The following MIS18BP1 variants were observed in gnomAD, a reference collection of about 807,000 sequenced individuals.
MIS18BP1 encodes the protein mis18-binding protein 1.
In MIS18BP1, 72 loss-of-function variants were observed where a neutral mutation model predicts 116.1. The observed-to-expected ratio is 0.62, with a 90% CI of 0.51 to 0.75. The LOEUF (loss-of-function observed/expected upper bound fraction) is 0.75, where lower values mean the gene tolerates loss of function less well. Among genes scored for constraint, MIS18BP1 ranks in the 30% least tolerant of loss-of-function variants. The pLI is 0.00. For missense variants in MIS18BP1, 1,363 were observed against 1,303.2 expected (o/e 1.05, Z -0.71); for synonymous variants, 386 against 427.0 (o/e 0.90, Z 1.18).
intron 16 of MIS18BP1, 71 bp from the exon 17 acceptor site, chr14:45,204,283 T>A: frequency 6.5e-7 from 1 of 1,538,980 alleles, no homozygotes; most frequent in Non-Finnish European, 8.8e-7. Flanking sequence ...AAAACAACTA[T>A]AAGGAATAAA....
intron 4 of MIS18BP1, 68 bp downstream of exon 4, chr14:45,241,966 T>G: frequency 1.4e-6 from 2 of 1,478,934 alleles, no homozygotes; most frequent in Admixed American, 2.2e-5. Flanking sequence ...GAGAGAACAT[T>G]AAAAGCTCAA....
At chr14:45,226,404 T>G (rs1891123768) in intron 10 of MIS18BP1, among the ~76,000 whole-genome samples, 1 of 152,120 alleles carries the variant, frequency 6.6e-6, no homozygotes, top group Middle Eastern at 3.2e-3. Flanking sequence ...ACTCTGAAAA[T>G]CCACACTTAA....
chr14:45,249,973 A>T (rs1891824582), intron 1 of MIS18BP1: 1 of 152,232 alleles, frequency 6.6e-6, no homozygotes. Flanking sequence ...GCCTAATGAA[A>T]TGCTAAACAG....
chr14:45,226,765 C>G lies in MIS18BP1; in HGVS notation c.1818G>C (p.Arg606Ser). The change falls in exon 10 of 17, where the codon AGG becomes AGC. Residue 606 changes from arginine (R) to serine (S), a missense_variant. Transcript: ENST00000310806. ...KLKIGERTNE[R>S]IIKSQKQETT... ...TACCTTGCTTCTGACTTTTTATTAT[C>G]CTTTCATTTGTTCTTTCACCAATTT... 1 of 1,401,446 alleles carries G rather than the reference C, an allele frequency of 7.1e-7. No individual in the cohort carries two copies. The highest frequency in any genetic ancestry group is 9.5e-7 in the Non-Finnish European group (1 of 1,054,574). The allele number at this position is 1,401,446 out of a possible 1,614,324, so 86.8% of individuals were successfully genotyped here.
Position 45,242,039 on chromosome 14 carries a change from T to C in MIS18BP1, c.1138A>G (p.Asn380Asp). The change falls in exon 4 of 17, where the codon AAT becomes GAT. Residue 380 changes from asparagine to aspartate, a missense_variant. Asn to Asp is a conservative substitution (Grantham distance 23). Transcript: ENST00000310806. ...TGTCTTAAAAGTTTTCCCACCTGAT[T>C]TTTTTTAAGTCCATTTGTAACAGTT... ...FQTVTNGLKK[N>D]QVVQLQEWMI... 6.3e-7 allele frequency: 1 copy of C among 1,594,668 alleles called. No individual in the cohort carries two copies. Among genetic ancestry groups the C allele is most frequent in the Non-Finnish European group, 8.5e-7 (1 of 1,171,810 alleles).
intron 11 of MIS18BP1, among the ~76,000 whole-genome samples, chr14:45,223,112 C>A (rs73350255): frequency 1.3e-5 from 2 of 151,828 alleles, no homozygotes; most frequent in South Asian, 2.1e-4. Context: ...CAAACCAAAC[C>A]AAACACTGGG....
At chr14:45,249,256 T>C (rs1273910537) in intron 1 of MIS18BP1, among the ~76,000 whole-genome samples, 2 of 152,086 alleles carry the variant, frequency 1.3e-5, no homozygotes, top group African/African-American at 2.4e-5. Flanking sequence ...CCCACCCGGC[T>C]AATTTTTGTA....
At chr14:45,215,390 G>A (rs1194573731) in intron 13 of MIS18BP1, among the ~76,000 whole-genome samples, 1 of 152,056 alleles carries the variant, frequency 6.6e-6, no homozygotes, top group East Asian at 1.9e-4. Context: ...TAGTCCAATT[G>A]TCTGTTATCC....
chr14:45,205,791 G>A (rs2049390511), intron 15 of MIS18BP1, among the ~76,000 whole-genome samples: 3 of 152,008 alleles, frequency 2.0e-5, no homozygotes, highest in Admixed American at 6.6e-5. Context: ...GTGTTTTTGT[G>A]TTTTGCCTGA....
intron 11 of MIS18BP1, among the ~76,000 whole-genome samples, chr14:45,221,656 G>C (rs1026975046): frequency 6.6e-6 from 1 of 152,034 alleles, no homozygotes; most frequent in Non-Finnish European, 1.5e-5. Context: ...TCTGTTAAGA[G>C]GTTTTATGAT....
chr14:45,221,027 T>C (rs560212435), intron 11 of MIS18BP1, among the ~76,000 whole-genome samples: 13 of 151,734 alleles, frequency 8.6e-5, no homozygotes, highest in Admixed American at 7.2e-4. Flanking sequence ...CCCAGCTACT[T>C]GGGAGGCTGA....
At chr14:45,218,217 C>T (rs1174388467) in intron 12 of MIS18BP1, 65 bp downstream of exon 12, 27 of 1,437,574 alleles carry the variant, frequency 1.9e-5, no homozygotes, top group African/African-American at 2.9e-5. Flanking sequence ...TAAAATATAT[C>T]TGATTTCAGT....
intron 6 of MIS18BP1, among the ~76,000 whole-genome samples, chr14:45,233,073 G>A (rs138417705): frequency 6.6e-6 from 1 of 152,300 alleles, no homozygotes; most frequent in African/African-American, 2.4e-5. Flanking sequence ...GCTATGCAGG[G>A]ACGGTGGACA....
intron 11 of MIS18BP1, among the ~76,000 whole-genome samples, chr14:45,222,187 T>G (rs1337767221): frequency 6.6e-6 from 1 of 152,264 alleles, no homozygotes; most frequent in African/African-American, 2.4e-5. Context: ...AAATTCATTC[T>G]GACAATATGT....
At chr14:45,241,207 C>T (rs1235578866) in intron 4 of MIS18BP1, among the ~76,000 whole-genome samples, 1 of 152,216 alleles carries the variant, frequency 6.6e-6, no homozygotes, top group Non-Finnish European at 1.5e-5. Flanking sequence ...CAGTGGCTCA[C>T]GCCTCTAATC....
rs771452249 is a variant in MIS18BP1 at position 45,224,202 on chromosome 14, G to C, written c.2385C>G (p.Asn795Lys). 6.2e-7 allele frequency: 1 copy of C among 1,613,974 alleles called. No individual in the cohort carries two copies. The highest frequency in any genetic ancestry group is 1.7e-4 in the Middle Eastern group (1 of 6,058). Reference sequence around the variant, plus strand: ...TCAGGTGAACCACTGCTTCTTTGGTGTTTCCTGCTTTGGTTTTCTTAACTT... The same window carrying C: ...TCAGGTGAACCACTGCTTCTTTGGTCTTTCCTGCTTTGGTTTTCTTAACTT... ...KAEVKKTKAGNTKEAVVHLRK... is the reference protein window; with the variant it reads ...KAEVKKTKAGKTKEAVVHLRK... Residue 795 changes from asparagine to lysine, a missense_variant, in exon 11 of 17, where the codon AAC becomes AAG. Coordinates refer to ENST00000310806, the MANE Select transcript of MIS18BP1 (RefSeq NM_018353.5).
At position 45,228,791 on chromosome 14, in the gene MIS18BP1, CAG is replaced by C. The variant is rs565465870; in HGVS notation, c.1595-979_1595-978del. 1.0e-3 allele frequency among the ~76,000 whole-genome samples: 157 copies of C among 152,198 alleles called. 1 individual carries two copies. In the South Asian group the frequency reaches 0.017, roughly 16 times the overall value. The stretch of plus-strand genomic sequence containing the variant: ...TCATATACTCTGGTAAGTGTAATAA[CAG>C]AGATAAAGTGCTTTAAGAGCAATAC... On this transcript the variant is annotated intron_variant, in intron 8 of 16. Transcript: ENST00000310806.
chr14:45,239,852 C>T lies in MIS18BP1; in HGVS notation c.1144-2131G>A, dbSNP rs1414558289. Among the ~76,000 whole-genome samples the T allele has an allele frequency of 5.9e-5, 9 of 152,228 alleles. No individual in the cohort carries two copies. The East Asian group carries it at 1.5e-3, about 26-fold the overall frequency. ...GAGAGTAGAGCCAATGGGATTTCTT[C>T]ATGGTTTGGATGTGGAGCATGAGAG... On this transcript the variant is annotated intron_variant, in intron 4 of 16. Transcript: ENST00000310806.
At chr14:45,249,394 A>AT (rs1024040519) in intron 1 of MIS18BP1, among the ~76,000 whole-genome samples, 3 of 151,564 alleles carry the variant, frequency 2.0e-5, no homozygotes, top group Non-Finnish European at 4.4e-5. Flanking sequence ...GTTTTTTTAC[A>AT]TTTTTTTGTA....
Sources: allele counts gnomAD v4.1 joint callset (sites outside exome capture counted in the v4.1 genomes callset), GRCh38; gene constraint gnomAD v4.1.1; transcripts MANE v1.5; gene names NCBI Gene and HGNC (gene_info 2026-07-23, HGNC 2026-07-21).